Variants in NBPF12 observed in about 807,000 individuals in gnomAD.
NBPF12 encodes NBPF member 12, also known as NBPF family member NBPF12.
In NBPF12, 115 loss-of-function variants were observed where a neutral mutation model predicts 146.4. The observed-to-expected ratio is 0.79, with a 90% CI of 0.68 to 0.92. The LOEUF is 0.92. Ranked by LOEUF, NBPF12 falls within the 40% of genes least tolerant of loss-of-function variation. NBPF12 has a pLI of 0.00. For synonymous variants in NBPF12, 385 were observed against 508.9 expected (o/e 0.76, Z 3.28); for missense variants, 1,205 against 1,326.8 (o/e 0.91, Z 1.43).
chr1:146,939,651 C>T (rs1225766189), intron 1 of NBPF12, among the ~76,000 whole-genome samples: 1 of 151,926 alleles, frequency 6.6e-6, no homozygotes, highest in Non-Finnish European at 1.5e-5. Flanking sequence ...CATTTGGCGT[C>T]CTTTCACCCA....
chr1:146,970,471 G>A lies in NBPF12; in HGVS notation c.1307-176G>A, dbSNP rs1656526060. ...GATGGTGGCCCTCCACATCAGAAAT[G>A]CATTGCCTGATGGACCAGGAAACCA... On this transcript the variant is annotated intron_variant, in intron 11 of 33. Transcript: ENST00000617844. 2.6e-5 allele frequency among the ~76,000 whole-genome samples: 4 copies of A among 151,286 alleles called. No homozygotes were observed. The South Asian group carries it at 6.3e-4, about 24-fold the overall frequency.
At chr1:146,971,750 C>G (rs1199989626) in intron 13 of NBPF12, among the ~76,000 whole-genome samples, 1 of 150,764 alleles carries the variant, frequency 6.6e-6, no homozygotes, top group Non-Finnish European at 1.5e-5. Context: ...TCAGGCTAGA[C>G]TCTCTCTCCT....
chr1:146,971,299 A>G, exon 13 of NBPF12: 1 of 1,612,262 alleles, frequency 6.2e-7, no homozygotes, highest in Non-Finnish European at 8.5e-7. Flanking sequence ...AAGAACATCA[A>G]AATCACATTT....
chr1:146,951,622 G>C, intron 2 of NBPF12, 133 bp downstream of exon 5: 2 of 502,128 alleles, frequency 4.0e-6, no homozygotes, highest in Non-Finnish European at 7.1e-6. Flanking sequence ...CACTTTAAAT[G>C]ATGATGTCCC....
chr1:146,964,323 G>A, intron 6 of NBPF12, 34 bp from the exon 10 acceptor site: 1 of 1,599,904 alleles, frequency 6.3e-7, no homozygotes, highest in Non-Finnish European at 8.6e-7. Context: ...AATGTGAAGT[G>A]GGACATATCT....
intron 4 of NBPF12, among the ~76,000 whole-genome samples, chr1:146,961,672 C>G (rs1655859471): frequency 6.6e-6 from 1 of 151,928 alleles, no homozygotes; most frequent in African/African-American, 2.4e-5. Context: ...TTCTTAAAAC[C>G]ATATCTGAAT....
chr1:146,995,550 T>C (rs1658491063), exon 34 of NBPF12: 1 of 151,832 alleles, frequency 6.6e-6, no homozygotes, highest in South Asian at 2.1e-4. Context: ...TTGTCATTGA[T>C]GGTGGTGACA....
chr1:146,994,420 G>T lies in NBPF12; in HGVS notation c.4219G>T (p.Glu1407Ter). ...TTATTCGACTCCATCAATGTACTTT[G>T]AACTACCTGACTCATTCCAGCACTA... Residue 1407 changes from glutamate (E) to a stop codon, truncating the protein, a stop_gained, in exon 34 of 34, where the codon GAA becomes TAA. Coordinates refer to ENST00000617844, the Ensembl canonical transcript of NBPF12. LOFTEE classifies it high-confidence loss of function. 1 of 1,612,180 alleles carries T rather than the reference G, an allele frequency of 6.2e-7. No homozygotes were observed. The highest frequency in any genetic ancestry group is 8.5e-7 in the Non-Finnish European group (1 of 1,179,796).
exon 8 of NBPF12, chr1:146,965,066 C>G (rs1656101933): frequency 6.2e-7 from 1 of 1,605,742 alleles, no homozygotes; most frequent in Non-Finnish European, 8.5e-7. Flanking sequence ...AGAAAATCCT[C>G]TCATGATGAA....
intron 13 of NBPF12, among the ~76,000 whole-genome samples, chr1:146,971,957 G>C (rs1240067177): frequency 6.7e-6 from 1 of 149,474 alleles, no homozygotes; most frequent in African/African-American, 2.5e-5. Flanking sequence ...GCGCGGTGTT[G>C]GGTGCCTGTA....
upstream of NBPF12, among the ~76,000 whole-genome samples, chr1:146,945,140 TTC>T (rs1215394770): frequency 4.0e-5 from 6 of 149,686 alleles, no homozygotes; most frequent in South Asian, 4.3e-4. Flanking sequence ...TTCTTTTTCT[TTC>T]TCTCTCTCTC....
intron 2 of NBPF12, 139 bp downstream of exon 2, chr1:146,943,701 T>C: frequency 5.3e-6 from 3 of 566,262 alleles, no homozygotes; most frequent in South Asian, 7.2e-5. Context: ...TAAATAAATA[T>C]TTGTTAAATG....
intron 14 of NBPF12, among the ~76,000 whole-genome samples, chr1:146,974,414 G>C (rs1656858332): frequency 7.3e-6 from 1 of 137,100 alleles, no homozygotes; most frequent in Non-Finnish European, 1.5e-5. Context: ...TTTTAGAGGA[G>C]AGGCTGCAAG....
intron 31 of NBPF12, among the ~76,000 whole-genome samples, chr1:146,992,470 G>GTT (rs1658250115): frequency 0.033 from 2,658 of 79,830 alleles, 6 homozygotes; most frequent in East Asian, 0.081. Flanking sequence ...CTCTGTGTGT[G>GTT]TGTGTGTGTG....
chr1:146,994,703 T>C, exon 34 of NBPF12: 1 of 1,467,264 alleles, frequency 6.8e-7, no homozygotes, highest in Non-Finnish European at 9.1e-7. Flanking sequence ...ATGGCTCTAT[T>C]CCTATTCTCA....
chr1:146,972,042 T>G (rs1423468020), intron 13 of NBPF12, among the ~76,000 whole-genome samples: 3 of 147,806 alleles, frequency 2.0e-5, no homozygotes, highest in African/African-American at 7.7e-5. Context: ...GAGCCGAGAT[T>G]GTGCCACTGC....
chr1:146,991,444 G>C (rs1346855629), intron 30 of NBPF12, among the ~76,000 whole-genome samples, 159 bp downstream of exon 33: 24 of 151,940 alleles, frequency 1.6e-4, no homozygotes, highest in Non-Finnish European at 3.4e-4. Flanking sequence ...GTCTCAGCTG[G>C]AAGCCTAGAC....
intron 15 of NBPF12, among the ~76,000 whole-genome samples, chr1:146,975,142 A>C (rs1409824508): frequency 7.6e-6 from 1 of 131,138 alleles, no homozygotes; most frequent in Non-Finnish European, 1.6e-5. Flanking sequence ...CAGTATACTC[A>C]AAATGGTGTG....
At position 146,984,997 on chromosome 1, in the gene NBPF12, T is replaced by C. The variant is rs1490741545; in HGVS notation, c.2839+12T>C. ...TGTTGACATGGATGGTGAGTACCTT[T>C]CTATGAAGGTGATAAGGATCCACTG... is the stretch of plus-strand genomic sequence containing the variant. On this transcript the variant is annotated intron_variant, in intron 22 of 33. Coordinates refer to ENST00000617844, the Ensembl canonical transcript of NBPF12. The C allele has an allele frequency of 4.5e-5, 52 of 1,165,326 alleles. No homozygotes were observed. Among genetic ancestry groups the C allele is most frequent in the Non-Finnish European group, 5.7e-5 (44 of 774,640 alleles). The allele number at this position is 1,165,326 out of a possible 1,614,324, so 72.2% of individuals were successfully genotyped here.
Sources: allele counts gnomAD v4.1 joint callset (sites outside exome capture counted in the v4.1 genomes callset), GRCh38; gene constraint gnomAD v4.1.1; transcripts MANE v1.5; gene names NCBI Gene and HGNC (gene_info 2026-07-23, HGNC 2026-07-21).